ZNF717: variants seen among roughly 807,000 people sequenced by gnomAD.
ZNF717 encodes krueppel-like factor X17.
Under a neutral mutation model 13.8 loss-of-function variants are expected in ZNF717, and 9 were observed. The observed-to-expected ratio is 0.65, with a 90% CI of 0.39 to 1.14. The LOEUF is 1.14. Among genes scored for constraint, ZNF717 ranks in the 50% most tolerant of loss-of-function variants. The pLI, the probability that ZNF717 is intolerant of heterozygous loss-of-function variation, is 0.01. For missense variants in ZNF717, 1,040 were observed against 1,080.7 expected, an observed-to-expected ratio of 0.96 and a Z score of 0.53; for synonymous variants, 327 against 364.1, an observed-to-expected ratio of 0.90 and a Z score of 1.16.
intron 4 of ZNF717, among the ~76,000 whole-genome samples, chr3:75,718,209 C>T (rs896801550): frequency 4.8e-5 from 7 of 147,230 alleles, no homozygotes; most frequent in African/African-American, 7.5e-5. Flanking sequence ...GGCTTTTCTG[C>T]GGTGGGGAAT....
chr3:75,707,807 G>A (rs1223183951), downstream of ZNF717, among the ~76,000 whole-genome samples: 24 of 152,328 alleles, frequency 1.6e-4, no homozygotes, highest in African/African-American at 5.1e-4. Context: ...ATTATATCCC[G>A]CACATGGCTC....
intron 4 of ZNF717, among the ~76,000 whole-genome samples, chr3:75,717,882 A>G (rs1344509547): frequency 6.6e-6 from 1 of 152,206 alleles, no homozygotes; most frequent in African/African-American, 2.4e-5. Context: ...GTTCCTCCTA[A>G]ATATGGATGA....
At chr3:75,779,256 G>T (rs1258597793) in intron 2 of ZNF717, among the ~76,000 whole-genome samples, 1 of 150,078 alleles carries the variant, frequency 6.7e-6, no homozygotes, top group African/African-American at 2.5e-5. Flanking sequence ...TAATGGGAGT[G>T]ATGTGCTAAA....
intron 4 of ZNF717, 56 bp downstream of exon 4, chr3:75,741,220 A>C (rs1438446855): frequency 5.2e-5 from 56 of 1,084,016 alleles, no homozygotes; most frequent in Non-Finnish European, 6.9e-5. Flanking sequence ...TAACACTACA[A>C]AAATTTGCTG....
chr3:75,731,921 C>A (rs933333576), downstream of ZNF717: 5 of 569,238 alleles, frequency 8.8e-6, no homozygotes. Flanking sequence ...ACTACTGAAA[C>A]CACCTTAGGA....
At chr3:75,769,007 G>T (rs903541866) in intron 2 of ZNF717, among the ~76,000 whole-genome samples, 1 of 152,098 alleles carries the variant, frequency 6.6e-6, no homozygotes, top group African/African-American at 2.4e-5. Context: ...AGCATAATTT[G>T]CATGTGGGAG....
intron 2 of ZNF717, among the ~76,000 whole-genome samples, chr3:75,757,671 AAT>A (rs1942609963): frequency 6.6e-6 from 1 of 152,250 alleles, no homozygotes; most frequent in South Asian, 2.1e-4. Context: ...TCACTTAAAA[AAT>A]ATATTTCATA....
chr3:75,757,507 T>A (rs75217272), intron 2 of ZNF717, among the ~76,000 whole-genome samples: 1 of 149,692 alleles, frequency 6.7e-6, no homozygotes, highest in African/African-American at 2.4e-5. Flanking sequence ...AAATAAGATT[T>A]CTTTCAAAGT....
chr3:75,717,344 T>C (rs1025798785), intron 4 of ZNF717, among the ~76,000 whole-genome samples: 3 of 107,258 alleles, frequency 2.8e-5, no homozygotes, highest in Admixed American at 9.5e-5. Flanking sequence ...AAGAAATCTC[T>C]GTGAGCTGCT....
intron 2 of ZNF717, among the ~76,000 whole-genome samples, chr3:75,744,879 G>A (rs1940968361): frequency 6.6e-6 from 1 of 152,256 alleles, no homozygotes; most frequent in East Asian, 1.9e-4. Context: ...AATAACCTAG[G>A]GGAAGGGAAT....
rs1575755487 is a variant in ZNF717 at position 75,737,125 on chromosome 3, T to C, written c.2498A>G (p.His833Arg). 1 of 1,569,352 alleles carries C rather than the reference T, an allele frequency of 6.4e-7. No homozygotes were observed. Among genetic ancestry groups the C allele is most frequent in the East Asian group, 2.4e-5 (1 of 41,970 alleles). ...FSQKSKLFVH[H>R]RTHTGEKPFR... Reference sequence around the variant, plus strand: ...GGGTTTTTCCCCTGTGTGAGTTCTGTGATGTACAAAGAGTTTTGACTTCTG... The same window carrying C: ...GGGTTTTTCCCCTGTGTGAGTTCTGCGATGTACAAAGAGTTTTGACTTCTG... Residue 833 changes from histidine (H) to arginine (R), a missense_variant, in exon 5 of 5, where the codon CAC (histidine) becomes CGC (arginine). By Grantham distance (29) the His-to-Arg change is conservative (BLOSUM62 0). Around this residue, in one of 3 missense-constraint regions of ZNF717, gnomAD observed 873 missense variants for 832.8 expected, o/e 1.05. Transcript: ENST00000652011.
Position 75,717,747 on chromosome 3 carries a change from T to TA in ZNF717, n.545-1207dup, listed in dbSNP as rs1184280194. On this transcript the variant is annotated intron_variant and non_coding_transcript_variant, in intron 4 of 5. Coordinates refer to the ZNF717 transcript ENST00000491507. ...CTTCTAGCGTCAGTGCAGCTCTCCT[T>TA]ACCTGCACAGCTAGAGACACAGACA... 2.0e-5 allele frequency among the ~76,000 whole-genome samples: 3 copies of TA among 152,210 alleles called. No homozygotes were observed. The East Asian group carries it at 5.8e-4, about 29-fold the overall frequency.
intron 2 of ZNF717, among the ~76,000 whole-genome samples, chr3:75,755,508 C>A (rs1942392921): frequency 6.6e-6 from 1 of 151,534 alleles, no homozygotes; most frequent in South Asian, 2.1e-4. Context: ...ATAATAAATA[C>A]ACACAGATAG....
chr3:75,778,103 T>C (rs1260173859), intron 2 of ZNF717, among the ~76,000 whole-genome samples: 6 of 150,522 alleles, frequency 4.0e-5, no homozygotes, highest in African/African-American at 1.5e-4. Flanking sequence ...GGGAGTGACG[T>C]GCTAAAACCG....
Position 75,737,109 on chromosome 3 carries a change from C to G in ZNF717, c.2514G>C (p.Gly838=). ...KLFVHHRTHT[G]EKPFRCNECR... ...ATTCATTACATCTAAAGGGTTTTTC[C>G]CCTGTGTGAGTTCTGTGATGTACAA... The change falls in exon 5 of 5, where the codon GGG becomes GGC. Residue 838 remains glycine, a synonymous_variant. Transcript: ENST00000652011. 6.3e-7 allele frequency: 1 copy of G among 1,575,360 alleles called. No individual in the cohort carries two copies. The highest frequency in any genetic ancestry group is 8.6e-7 in the Non-Finnish European group (1 of 1,160,630).
intron 2 of ZNF717, among the ~76,000 whole-genome samples, chr3:75,772,471 CT>C (rs1943975579): frequency 6.6e-6 from 1 of 152,228 alleles, no homozygotes; most frequent in South Asian, 2.1e-4. Flanking sequence ...ATGACACCTT[CT>C]TTGGGGCTCT....
At chr3:75,707,236 G>C (rs1355332862), downstream of ZNF717, among the ~76,000 whole-genome samples, 36 of 152,136 alleles carry the variant, frequency 2.4e-4, no homozygotes, top group Non-Finnish European at 4.1e-4. Flanking sequence ...AGAAGCATGA[G>C]GGGAAATTCA....
intron 2 of ZNF717, among the ~76,000 whole-genome samples, chr3:75,763,333 G>A (rs533497907): frequency 7.9e-5 from 12 of 152,294 alleles, no homozygotes; most frequent in South Asian, 4.1e-4. Context: ...TATTCTTACT[G>A]GTTGAGCATC....
At chr3:75,720,865 C>T (rs1323460957) in intron 4 of ZNF717, among the ~76,000 whole-genome samples, 17 of 152,062 alleles carry the variant, frequency 1.1e-4, no homozygotes, top group Admixed American at 3.3e-4. Flanking sequence ...AAAAAGCAAT[C>T]GCCTTTCTTA....
Sources: gnomAD v4.1 joint callset for allele counts (sites outside exome capture counted in the v4.1 genomes callset) on GRCh38, gnomAD v4.1.1 for gene constraint, gnomAD v4.1.1 regional missense constraint, MANE v1.5 for transcripts, NCBI Gene and HGNC (gene_info 2026-07-23, HGNC 2026-07-21) for gene names.